The following ATP6V1H variants were observed in gnomAD, a reference collection of about 807,000 sequenced individuals.
ATP6V1H encodes ATPase H+ transporting V1 subunit H.
In ATP6V1H, 39 loss-of-function variants were observed where a neutral mutation model predicts 71.7. The observed-to-expected ratio is 0.54, with a 90% CI of 0.42 to 0.71. ATP6V1H has a LOEUF of 0.71. ATP6V1H is among the 30% of genes least tolerant of loss of function. The pLI is 0.00. For synonymous variants in ATP6V1H, 192 were observed against 199.3 expected (o/e 0.96, Z 0.31); for missense variants, 509 against 594.9 (o/e 0.86, Z 1.50).
In ATP6V1H at chr8:53,784,302, T is replaced by C. The variant is rs543765345; in HGVS notation, c.870+11345A>G. Among the ~76,000 whole-genome samples the C allele has an allele frequency of 2.2e-3, 336 of 152,352 alleles. 1 individual carries two copies. Among genetic ancestry groups the C allele is most frequent in the African/African-American group, 7.8e-3 (324 of 41,584 alleles). ...TCCCTTTACCATTATGTAATGGCCT[T>C]GTCTCTTTTGATCTTTGTTGGTTTA... On this transcript the variant is annotated intron_variant, in intron 9 of 13. Transcript: ENST00000359530.
intron 13 of ATP6V1H, among the ~76,000 whole-genome samples, chr8:53,741,943 C>T (rs1253864280): frequency 2.0e-5 from 3 of 152,302 alleles, no homozygotes; most frequent in Admixed American, 2.0e-4. Context: ...AGCTCAAATG[C>T]TCTTCATGCT....
At chr8:53,830,683 G>A (rs1470806821) in intron 3 of ATP6V1H, among the ~76,000 whole-genome samples, 1 of 152,008 alleles carries the variant, frequency 6.6e-6, no homozygotes, top group Admixed American at 6.6e-5. Context: ...ACCAGACACT[G>A]CTATTAAGAA....
chr8:53,772,113 TAGCC>T lies in ATP6V1H; in HGVS notation c.921_924del (p.Ala308Ter). 1 of 1,614,044 alleles carries T rather than the reference TAGCC, an allele frequency of 6.2e-7. No individual in the cohort carries two copies. Among genetic ancestry groups the T allele is most frequent in the Non-Finnish European group, 8.5e-7 (1 of 1,179,954 alleles). ...TGTTTCAGAACTTTGCACTGAATCATAGCCAGGGCATATTCTTGGCGAGTTTCTC... is the reference window on the plus strand; with the variant it reads ...TGTTTCAGAACTTTGCACTGAATCATAGGGCATATTCTTGGCGAGTTTCTC... On this transcript the variant is annotated frameshift_variant, in exon 10 of 14. Coordinates refer to ENST00000359530, the MANE Select transcript of ATP6V1H (RefSeq NM_015941.4). LOFTEE classifies it high-confidence loss of function.
chr8:53,782,699 AT>A (rs1283886220), intron 9 of ATP6V1H, among the ~76,000 whole-genome samples: 1 of 152,172 alleles, frequency 6.6e-6, no homozygotes, highest in Admixed American at 6.5e-5. Context: ...AGCTCTTAGT[AT>A]TTTGAGATAC....
In ATP6V1H at chr8:53,715,663, G is replaced by A. The variant is rs1245133006; in HGVS notation, c.*301C>T. 3.6e-6 allele frequency: 1 copy of A among 276,370 alleles called. No homozygotes were observed. The highest frequency in any genetic ancestry group is 2.2e-5 in the African/African-American group (1 of 45,692). The allele number at this position is 276,370 out of a possible 1,614,324, so 17.1% of individuals were successfully genotyped here. A position where few individuals can be genotyped will look rare whatever the true frequency, so the allele number is the denominator to read the frequency against. On this transcript the variant is annotated 3_prime_UTR_variant, in exon 14 of 14. Transcript: ENST00000359530. ...TGTTCAAAGTCCAAGTAAAGAGAGA[G>A]GCCATGTTTGGAGTGAGAATCCTTT...
At chr8:53,759,447 T>G (rs1197493783) in intron 11 of ATP6V1H, among the ~76,000 whole-genome samples, 3 of 152,216 alleles carry the variant, frequency 2.0e-5, no homozygotes, top group South Asian at 2.1e-4. Flanking sequence ...AATAGATTCA[T>G]CAACCACAAT....
At chr8:53,798,555 A>G (rs1809815247) in intron 8 of ATP6V1H, among the ~76,000 whole-genome samples, 1 of 151,786 alleles carries the variant, frequency 6.6e-6, no homozygotes, top group Non-Finnish European at 1.5e-5. Flanking sequence ...CTCTCTTCAA[A>G]TGGGCTATAC....
intron 7 of ATP6V1H, among the ~76,000 whole-genome samples, chr8:53,807,576 T>C (rs929851154): frequency 6.6e-6 from 1 of 152,208 alleles, no homozygotes; most frequent in Non-Finnish European, 1.5e-5. Flanking sequence ...ATTTCAGTTA[T>C]ATGTAATGTC....
In ATP6V1H at chr8:53,838,401, G is replaced by A. The variant is rs1284624489; in HGVS notation, c.113+3177C>T. ...CGCAAAGGGCTGGGATTACAGGCGT[G>A]AGCCACCGCGCCTGGCCACCTGTGA... On this transcript the variant is annotated intron_variant, in intron 2 of 13. Transcript: ENST00000359530. Among the ~76,000 whole-genome samples the A allele has an allele frequency of 2.6e-5, 4 of 152,288 alleles. No homozygotes were observed. In the East Asian group the frequency reaches 7.7e-4, roughly 29 times the overall value.
At chr8:53,812,975 A>G (rs1013068875) in intron 6 of ATP6V1H, among the ~76,000 whole-genome samples, 1 of 152,208 alleles carries the variant, frequency 6.6e-6, no homozygotes, top group Admixed American at 6.5e-5. Flanking sequence ...GATTACAGGC[A>G]TAAGCCACCA....
At chr8:53,757,966 A>C (rs1487945166) in intron 11 of ATP6V1H, among the ~76,000 whole-genome samples, 1 of 152,282 alleles carries the variant, frequency 6.6e-6, no homozygotes, top group Admixed American at 6.5e-5. Flanking sequence ...AGGTATGCCT[A>C]GGCACCGGAA....
Position 53,804,666 on chromosome 8 carries a change from CCT to C in ATP6V1H, c.580-2772_580-2771del, listed in dbSNP as rs1460498035. On this transcript the variant is annotated intron_variant, in intron 7 of 13. Coordinates refer to ENST00000359530, the MANE Select transcript of ATP6V1H (RefSeq NM_015941.4). ...TCCAGCCTGGGCAACAAAGTGACAC[CCT>C]GTCTCAAAAAAAAGAAAATAGCGAG... 2.0e-5 allele frequency among the ~76,000 whole-genome samples: 3 copies of C among 151,964 alleles called. No individual in the cohort carries two copies. The East Asian group carries it at 5.8e-4, about 29-fold the overall frequency.
intron 13 of ATP6V1H, 50 bp downstream of exon 13, chr8:53,743,527 T>A (rs1322599768): frequency 7.6e-7 from 1 of 1,321,774 alleles, no homozygotes; most frequent in South Asian, 1.2e-5. Flanking sequence ...GAATGGCAAG[T>A]GAGAGTTTGC....
chr8:53,807,283 A>C (rs1243591637), intron 7 of ATP6V1H, among the ~76,000 whole-genome samples: 2 of 152,074 alleles, frequency 1.3e-5, no homozygotes, highest in Non-Finnish European at 2.9e-5. Context: ...CAATTTAAGG[A>C]ATCTGGTCAA....
intron 9 of ATP6V1H, among the ~76,000 whole-genome samples, chr8:53,786,244 C>T (rs973482038): frequency 1.1e-4 from 16 of 152,204 alleles, no homozygotes; most frequent in Non-Finnish European, 2.1e-4. Flanking sequence ...ATGGCGGGCA[C>T]CCCTCCCCCA....
intron 6 of ATP6V1H, among the ~76,000 whole-genome samples, chr8:53,813,156 T>C (rs368910125): frequency 2.0e-5 from 3 of 152,244 alleles, no homozygotes; most frequent in African/African-American, 7.2e-5. Context: ...AAATAGCTTG[T>C]TTTTGAAATA....
At chr8:53,825,431 T>A (rs1320104596) in intron 4 of ATP6V1H, among the ~76,000 whole-genome samples, 1 of 151,626 alleles carries the variant, frequency 6.6e-6, no homozygotes, top group African/African-American at 2.4e-5. Flanking sequence ...AAGCTGACAT[T>A]CCATTTCATA....
chr8:53,741,976 C>T (rs1050712289), intron 13 of ATP6V1H, among the ~76,000 whole-genome samples: 1 of 152,168 alleles, frequency 6.6e-6, no homozygotes, highest in Non-Finnish European at 1.5e-5. Flanking sequence ...CTTGCACAAC[C>T]CGTTCTCCAG....
intron 7 of ATP6V1H, among the ~76,000 whole-genome samples, chr8:53,805,100 G>C (rs1483990548): frequency 6.6e-6 from 1 of 152,280 alleles, no homozygotes; most frequent in Admixed American, 6.5e-5. Context: ...TAAAACTAAT[G>C]TTATAAAAAT....
Sources: gnomAD v4.1 joint callset for allele counts (sites outside exome capture counted in the v4.1 genomes callset) on GRCh38, gnomAD v4.1.1 for gene constraint, MANE v1.5 for transcripts, NCBI Gene and HGNC (gene_info 2026-07-23, HGNC 2026-07-21) for gene names.